OXR1: variants seen among roughly 807,000 people sequenced by gnomAD.
The protein encoded by OXR1 is oxidation resistance protein 1.
OXR1 carries 41 observed loss-of-function variants against 104.6 expected under a neutral mutation model. That is an observed-to-expected ratio of 0.39 (90% CI 0.31 to 0.51). The LOEUF (loss-of-function observed/expected upper bound fraction) is 0.51. OXR1 is among the 20% of genes least tolerant of loss of function. The probability of loss-of-function intolerance (pLI) is 0.77; values close to 1 mark genes in which losing one functional copy is unlikely to be tolerated. For synonymous variants in OXR1, 348 were observed against 348.4 expected, an observed-to-expected ratio of 1.00 and a Z score of 0.01; for missense variants, 955 against 1,031.9, an observed-to-expected ratio of 0.93 and a Z score of 1.02.
chr8:106,730,847 G>A (rs1226714525), intron 11 of OXR1, among the ~76,000 whole-genome samples: 1 of 151,076 alleles, frequency 6.6e-6, no homozygotes, highest in Non-Finnish European at 1.5e-5. Flanking sequence ...AGGAGTTTGC[G>A]ATCAGCCAGG....
intron 2 of OXR1, among the ~76,000 whole-genome samples, chr8:106,454,359 G>A (rs1199266633): frequency 6.6e-6 from 1 of 151,656 alleles, no homozygotes; most frequent in East Asian, 1.9e-4. Context: ...TACTCGGGAG[G>A]CTGAGGCAGG....
chr8:106,749,040 G>A (rs920676605), intron 16 of OXR1, among the ~76,000 whole-genome samples: 1 of 151,704 alleles, frequency 6.6e-6, no homozygotes, highest in African/African-American at 2.4e-5. Context: ...CTAAGATAGT[G>A]TTAAAAATAG....
chr8:106,686,451 A>C (rs2131258906), intron 6 of OXR1, among the ~76,000 whole-genome samples: 1 of 152,208 alleles, frequency 6.6e-6, no homozygotes, highest in African/African-American at 2.4e-5. Context: ...CTAGGATTAT[A>C]TTCATTACCA....
intron 7 of OXR1, among the ~76,000 whole-genome samples, chr8:106,700,871 A>T (rs1420095768): frequency 6.6e-6 from 1 of 150,376 alleles, no homozygotes; most frequent in Non-Finnish European, 1.5e-5. Context: ...TTAGAGCTTG[A>T]TTTTTTTTTT....
intron 1 of OXR1, among the ~76,000 whole-genome samples, chr8:106,280,737 A>G (rs1056108388): frequency 6.6e-6 from 1 of 152,176 alleles, no homozygotes; most frequent in African/African-American, 2.4e-5. Context: ...TAAATGTAAT[A>G]TCGTGTATTT....
chr8:106,502,397 T>C lies in OXR1; in HGVS notation c.24-16546T>C, dbSNP rs57185770. On this transcript the variant is annotated intron_variant, in intron 2 of 16. Transcript: ENST00000517566. Reference sequence around the variant, plus strand: ...AGATAGAGACAGGAAAGGAGCAGACTTGAATAAAGGAATTCTCAGAAAAGC... The same window carrying C: ...AGATAGAGACAGGAAAGGAGCAGACCTGAATAAAGGAATTCTCAGAAAAGC... Among the ~76,000 whole-genome samples, 19 of 152,342 alleles carry C rather than the reference T, an allele frequency of 1.2e-4. No homozygotes were observed. The East Asian group carries it at 3.5e-3, about 28-fold the overall frequency.
At chr8:106,524,651 G>C (rs1813519177) in intron 3 of OXR1, among the ~76,000 whole-genome samples, 1 of 152,202 alleles carries the variant, frequency 6.6e-6, no homozygotes, top group Non-Finnish European at 1.5e-5. Flanking sequence ...GAAACAGAGA[G>C]AGCCCTGCTT....
chr8:106,657,963 T>C, intron 3 of OXR1: 1 of 1,247,992 alleles, frequency 8.0e-7, no homozygotes, highest in Non-Finnish European at 1.0e-6. Context: ...TGGGCCCCAG[T>C]TCCGCGTCCA....
chr8:106,389,691 G>A (rs1817518960), intron 2 of OXR1, among the ~76,000 whole-genome samples: 1 of 152,154 alleles, frequency 6.6e-6, no homozygotes, highest in Non-Finnish European at 1.5e-5. Flanking sequence ...ATTTGATGAT[G>A]TATGCCTTCA....
At chr8:106,282,005 A>G (rs1275701580) in intron 1 of OXR1, among the ~76,000 whole-genome samples, 2 of 151,952 alleles carry the variant, frequency 1.3e-5, no homozygotes, top group African/African-American at 4.8e-5. Context: ...TAAAACTCAA[A>G]CCCATTTATC....
At chr8:106,673,836 C>T (rs916892405) in intron 3 of OXR1, among the ~76,000 whole-genome samples, 5 of 152,168 alleles carry the variant, frequency 3.3e-5, no homozygotes, top group African/African-American at 7.2e-5. Flanking sequence ...TAAGCCTTGG[C>T]GGTTTACGTG....
rs199674728 is a variant in OXR1, at chr8:106,409,999, AAC to A, written c.23+50379_23+50380del. Among the ~76,000 whole-genome samples, 627 of 138,562 alleles carry A rather than the reference AAC, an allele frequency of 4.5e-3. 3 individuals carry two copies. Among genetic ancestry groups the A allele is most frequent in the African/African-American group, 0.018 (592 of 32,774 alleles). The allele number at this position is 138,562 out of a possible 152,430, so 90.9% of individuals were successfully genotyped here. ...TTACAGGAATTCACACACACACACA[AAC>A]ACACACACACACACATAAGAACTTT... On this transcript the variant is annotated intron_variant, in intron 2 of 16. Coordinates refer to ENST00000517566, the MANE Select transcript of OXR1 (RefSeq NM_001198533.2).
At chr8:106,549,169 G>A (rs905147056) in intron 3 of OXR1, among the ~76,000 whole-genome samples, 3 of 151,554 alleles carry the variant, frequency 2.0e-5, no homozygotes, top group Admixed American at 6.6e-5. Flanking sequence ...TGAAGCAAAG[G>A]AAATTCTTAT....
intron 1 of OXR1, among the ~76,000 whole-genome samples, chr8:106,328,825 G>A (rs1284092657): frequency 1.3e-5 from 2 of 152,206 alleles, no homozygotes; most frequent in Non-Finnish European, 2.9e-5. Context: ...AGAGTCAATA[G>A]TTAGCAACTG....
At chr8:106,697,628 G>C in intron 7 of OXR1, 2 of 1,613,762 alleles carry the variant, frequency 1.2e-6, no homozygotes, top group Non-Finnish European at 8.5e-7. Flanking sequence ...AGATTCCTCA[G>C]CGTCCGCTGC....
At chr8:106,635,612 T>G (rs1266290139) in intron 3 of OXR1, among the ~76,000 whole-genome samples, 3 of 152,080 alleles carry the variant, frequency 2.0e-5, no homozygotes, top group African/African-American at 7.2e-5. Flanking sequence ...ACCCAGCTAA[T>G]TTTTGTATTT....
intron 1 of OXR1, among the ~76,000 whole-genome samples, chr8:106,321,007 A>G (rs766945734): frequency 1.5e-4 from 23 of 152,324 alleles, no homozygotes; most frequent in Admixed American, 3.9e-4. Context: ...GTTATTACCT[A>G]TACCTTTTTG....
intron 2 of OXR1, among the ~76,000 whole-genome samples, chr8:106,392,309 G>A (rs1290186246): frequency 6.6e-6 from 1 of 152,198 alleles, no homozygotes; most frequent in Non-Finnish European, 1.5e-5. Flanking sequence ...GAAGAGGACT[G>A]CGTTTGAGAG....
At chr8:106,330,097 C>G (rs1449706103) in intron 1 of OXR1, among the ~76,000 whole-genome samples, 1 of 152,174 alleles carries the variant, frequency 6.6e-6, no homozygotes, top group African/African-American at 2.4e-5. Context: ...TTTCACACTT[C>G]TTAGCCTTCA....
Sources: allele counts gnomAD v4.1 joint callset (sites outside exome capture counted in the v4.1 genomes callset), GRCh38; gene constraint gnomAD v4.1.1; transcripts MANE v1.5; gene names NCBI Gene and HGNC (gene_info 2026-07-23, HGNC 2026-07-21).